Variants in UBE2E2 observed in about 807,000 individuals in gnomAD.
The protein encoded by UBE2E2 is ubiquitin conjugating enzyme E2 E2, also known as ubiquitin-conjugating enzyme E2 E2.
A neutral mutation model predicts 24.7 loss-of-function variants in UBE2E2; 6 were observed. That is an observed-to-expected ratio of 0.24 (90% CI 0.13 to 0.48). The LOEUF (loss-of-function observed/expected upper bound fraction) is 0.48, where lower values mean the gene tolerates loss of function less well. Ranked by LOEUF, UBE2E2 falls within the 20% of genes least tolerant of loss-of-function variation. The pLI is 0.99. For synonymous variants in UBE2E2, 104 were observed against 83.6 expected, an observed-to-expected ratio of 1.24 and a Z score of -1.33; for missense variants, 169 against 245.0, an observed-to-expected ratio of 0.69 and a Z score of 2.07.
At chr3:23,358,770 A>G (rs1349935854) in intron 3 of UBE2E2, among the ~76,000 whole-genome samples, 2 of 152,228 alleles carry the variant, frequency 1.3e-5, no homozygotes, top group Non-Finnish European at 2.9e-5. Context: ...AAAAAAGCTG[A>G]TGTGCTTTAA....
intron 3 of UBE2E2, among the ~76,000 whole-genome samples, chr3:23,268,332 T>C (rs1361769299): frequency 2.7e-5 from 4 of 150,904 alleles, no homozygotes; most frequent in Non-Finnish European, 5.9e-5. Flanking sequence ...AAAATCTCCT[T>C]AAGCTGATAA....
At chr3:23,281,912 A>G (rs1698498943) in intron 3 of UBE2E2, among the ~76,000 whole-genome samples, 1 of 152,234 alleles carries the variant, frequency 6.6e-6, no homozygotes, top group Admixed American at 6.5e-5. Flanking sequence ...ATCAACTGCC[A>G]TTTATTAAAT....
intron 3 of UBE2E2, among the ~76,000 whole-genome samples, chr3:23,371,061 G>T (rs1462088046): frequency 6.6e-6 from 1 of 152,056 alleles, no homozygotes. Context: ...ATGGGGTTTT[G>T]CTCCATTGCC....
chr3:23,221,490 T>C (rs1453661195), intron 3 of UBE2E2, among the ~76,000 whole-genome samples: 2 of 152,196 alleles, frequency 1.3e-5, no homozygotes, highest in Non-Finnish European at 2.9e-5. Flanking sequence ...TCGGCAGCAA[T>C]TAGTCTACTT....
At chr3:23,222,259 C>T (rs937419917) in intron 3 of UBE2E2, among the ~76,000 whole-genome samples, 1 of 152,112 alleles carries the variant, frequency 6.6e-6, no homozygotes, top group South Asian at 2.1e-4. Context: ...TTAATGGGCA[C>T]TCAGGTTGGT....
intron 3 of UBE2E2, among the ~76,000 whole-genome samples, chr3:23,384,750 C>A (rs1696763273): frequency 6.6e-6 from 1 of 151,600 alleles, no homozygotes; most frequent in South Asian, 2.1e-4. Flanking sequence ...ACCATATTGG[C>A]CAGGCTGGTC....
intron 3 of UBE2E2, among the ~76,000 whole-genome samples, chr3:23,284,232 A>G (rs138144776): frequency 6.6e-6 from 1 of 152,112 alleles, no homozygotes; most frequent in Admixed American, 6.5e-5. Context: ...TAAATATTGC[A>G]TAATATTTAT....
chr3:23,400,128 A>G lies in UBE2E2; in HGVS notation c.228-99480A>G, dbSNP rs192014597. Among the ~76,000 whole-genome samples, 268 of 152,332 alleles carry G rather than the reference A, an allele frequency of 1.8e-3. 3 individuals are homozygous for G. Among genetic ancestry groups the G allele is most frequent in the African/African-American group, 6.1e-3 (254 of 41,576 alleles). ...AAATTGCTGCAGATAAAGTCTTATGAAACTCCATTAATGTAGTTTCACAGG... is the reference window on the plus strand; with the variant it reads ...AAATTGCTGCAGATAAAGTCTTATGGAACTCCATTAATGTAGTTTCACAGG... On this transcript the variant is annotated intron_variant, in intron 3 of 5. Coordinates refer to ENST00000396703, the MANE Select transcript of UBE2E2 (RefSeq NM_152653.4).
At chr3:23,267,649 C>T (rs1304185306) in intron 3 of UBE2E2, among the ~76,000 whole-genome samples, 1 of 152,028 alleles carries the variant, frequency 6.6e-6, no homozygotes, top group Non-Finnish European at 1.5e-5. Flanking sequence ...GGTACCATTC[C>T]TTCTGAAACT....
At chr3:23,463,214 T>A (rs2125427261) in intron 3 of UBE2E2, among the ~76,000 whole-genome samples, 1 of 152,192 alleles carries the variant, frequency 6.6e-6, no homozygotes, top group East Asian at 1.9e-4. Context: ...TATACTCTAG[T>A]AAGGGTGTTA....
intron 3 of UBE2E2, among the ~76,000 whole-genome samples, chr3:23,226,442 A>C (rs560327381): frequency 6.6e-5 from 10 of 151,560 alleles, no homozygotes; most frequent in African/African-American, 9.7e-5. Context: ...TAGTCTTTTC[A>C]ACCACTTTCT....
intron 3 of UBE2E2, among the ~76,000 whole-genome samples, chr3:23,272,532 A>G (rs1559328738): frequency 6.6e-6 from 1 of 152,180 alleles, no homozygotes. Flanking sequence ...AGAGCGAGCG[A>G]GGGCCGCCAG....
intron 3 of UBE2E2, among the ~76,000 whole-genome samples, chr3:23,476,573 C>T (rs1022436476): frequency 2.0e-5 from 3 of 151,984 alleles, no homozygotes; most frequent in East Asian, 1.9e-4. Context: ...CATGTGCCTG[C>T]GGTCCCAGCT....
At position 23,514,865 on chromosome 3, in the gene UBE2E2, A is replaced by G. The variant is rs74642487; in HGVS notation, c.360+15125A>G. Among the ~76,000 whole-genome samples, 566 of 152,282 alleles carry G rather than the reference A, an allele frequency of 3.7e-3. 3 individuals are homozygous for G. Among genetic ancestry groups the G allele is most frequent in the African/African-American group, 0.012 (503 of 41,558 alleles). ...TAAAAGTATACTAATGAAAAATAAG[A>G]CAATGATTAAGCAATAGATAAGGAG... is the stretch of plus-strand genomic sequence containing the variant. On this transcript the variant is annotated intron_variant, in intron 4 of 5. Transcript: ENST00000396703.
chr3:23,399,179 A>G (rs1044180933), intron 3 of UBE2E2, among the ~76,000 whole-genome samples: 5 of 152,210 alleles, frequency 3.3e-5, no homozygotes, highest in African/African-American at 1.2e-4. Flanking sequence ...ACCTCAGCGT[A>G]GGATTTTTCC....
chr3:23,458,213 A>G (rs1698723128), intron 3 of UBE2E2, among the ~76,000 whole-genome samples: 1 of 151,972 alleles, frequency 6.6e-6, no homozygotes, highest in Non-Finnish European at 1.5e-5. Flanking sequence ...TAATTTCAGT[A>G]TTGTTGCGTC....
chr3:23,413,853 A>G (rs2125384036), intron 3 of UBE2E2, among the ~76,000 whole-genome samples: 1 of 152,336 alleles, frequency 6.6e-6, no homozygotes, highest in East Asian at 1.9e-4. Flanking sequence ...AGTTGAACAA[A>G]TGAGGAATCA....
intron 3 of UBE2E2, among the ~76,000 whole-genome samples, chr3:23,450,910 G>A (rs1476822493): frequency 1.3e-5 from 2 of 152,094 alleles, no homozygotes; most frequent in African/African-American, 4.8e-5. Flanking sequence ...ATTCCAGTAG[G>A]TGGGTTACTG....
chr3:23,533,744 C>G (rs770547408), intron 5 of UBE2E2, among the ~76,000 whole-genome samples: 14 of 151,332 alleles, frequency 9.3e-5, no homozygotes, highest in Non-Finnish European at 1.8e-4. Context: ...TATCTTAGCC[C>G]CCCAAGTAGC....
Sources: allele counts gnomAD v4.1 joint callset (sites outside exome capture counted in the v4.1 genomes callset), GRCh38; gene constraint gnomAD v4.1.1; transcripts MANE v1.5; gene names NCBI Gene and HGNC (gene_info 2026-07-23, HGNC 2026-07-21).